The following STK32B variants were observed in gnomAD, a reference collection of about 807,000 sequenced individuals.
STK32B encodes serine/threonine kinase 32B.
In STK32B, 43 loss-of-function variants were observed where a neutral mutation model predicts 52.6. The observed-to-expected ratio is 0.82, with a 90% CI of 0.64 to 1.05. The LOEUF (loss-of-function observed/expected upper bound fraction) is 1.05, where lower values mean the gene tolerates loss of function less well. Ranked by LOEUF, STK32B falls within the 50% of genes least tolerant of loss-of-function variation. STK32B has a pLI of 0.00. For missense variants in STK32B, 621 were observed against 534.6 expected (o/e 1.16, Z -1.59); for synonymous variants, 238 against 204.3 (o/e 1.17, Z -1.41).
chr4:5,078,413 A>G (rs948144893), intron 1 of STK32B, among the ~76,000 whole-genome samples: 2 of 152,160 alleles, frequency 1.3e-5, no homozygotes, highest in African/African-American at 4.8e-5. Flanking sequence ...AACAAAACAA[A>G]CTGACATGAT....
intron 5 of STK32B, among the ~76,000 whole-genome samples, chr4:5,402,036 C>T (rs1737325435): frequency 6.6e-6 from 1 of 152,238 alleles, no homozygotes. Context: ...GCTCCTTGAG[C>T]TTATCCCCTG....
intron 4 of STK32B, among the ~76,000 whole-genome samples, chr4:5,334,543 G>A (rs374204497): frequency 8.2e-5 from 11 of 134,934 alleles, no homozygotes; most frequent in Admixed American, 3.9e-4. Context: ...GAGGGCATCC[G>A]TGTCTTGTGC....
Position 5,456,939 on chromosome 4 carries a change from C to G in STK32B, c.783+16C>G, listed in dbSNP as rs1716583729. On this transcript the variant is annotated intron_variant, in intron 8 of 11. Transcript: ENST00000282908. ...GCTGAGGAAGGTAAGGGGGCAGCTTCCAGCCTGCCCCGCCAGGGAGCTACG... is the reference window on the plus strand; with the variant it reads ...GCTGAGGAAGGTAAGGGGGCAGCTTGCAGCCTGCCCCGCCAGGGAGCTACG... The G allele has an allele frequency of 2.7e-5, 40 of 1,495,678 alleles. No homozygotes were observed. The highest frequency in any genetic ancestry group is 3.5e-5 in the Non-Finnish European group (39 of 1,113,364). 92.7% of individuals were successfully genotyped at this position (1,495,678 alleles called of 1,614,324 possible).
At chr4:5,222,248 TGG>T (rs1465478161) in intron 3 of STK32B, among the ~76,000 whole-genome samples, 1 of 151,686 alleles carries the variant, frequency 6.6e-6, no homozygotes, top group Non-Finnish European at 1.5e-5. Flanking sequence ...GTACCAAGAG[TGG>T]GGTGTTACTA....
chr4:5,250,521 C>T (rs1252472727), intron 3 of STK32B, among the ~76,000 whole-genome samples: 1 of 151,994 alleles, frequency 6.6e-6, no homozygotes, highest in East Asian at 1.9e-4. Flanking sequence ...CCATATTGGC[C>T]AGGCTGGTTT....
chr4:5,101,336 T>A (rs1016957794), intron 1 of STK32B, among the ~76,000 whole-genome samples: 3 of 152,096 alleles, frequency 2.0e-5, no homozygotes, highest in African/African-American at 7.2e-5. Context: ...GGGATGGATG[T>A]ACTCTAGTTG....
chr4:5,406,469 C>T (rs1260744214), intron 5 of STK32B, among the ~76,000 whole-genome samples: 1 of 152,154 alleles, frequency 6.6e-6, no homozygotes, highest in Non-Finnish European at 1.5e-5. Context: ...ATTTCCCCTT[C>T]ACCCTTCCCT....
intron 1 of STK32B, among the ~76,000 whole-genome samples, chr4:5,069,589 T>A (rs992987305): frequency 6.6e-6 from 1 of 152,182 alleles, no homozygotes; most frequent in African/African-American, 2.4e-5. Flanking sequence ...AGCTGAGTGA[T>A]CTGAATAAGT....
intron 4 of STK32B, 55 bp downstream of exon 4, chr4:5,331,448 C>G: frequency 6.4e-7 from 1 of 1,554,452 alleles, no homozygotes; most frequent in Non-Finnish European, 8.7e-7. Context: ...GCTAGGGTGT[C>G]AGGAGCAGTC....
intron 4 of STK32B, among the ~76,000 whole-genome samples, chr4:5,348,452 A>G (rs1422110716): frequency 6.6e-6 from 1 of 152,148 alleles, no homozygotes; most frequent in African/African-American, 2.4e-5. Flanking sequence ...TTCCCCACCC[A>G]TAGCCGTTGC....
chr4:5,357,013 A>G (rs868654095), intron 4 of STK32B, among the ~76,000 whole-genome samples: 2,813 of 147,250 alleles, frequency 0.019, 88 homozygotes, highest in African/African-American at 0.058. Flanking sequence ...ATGTGTATAT[A>G]TATATATATA....
chr4:5,237,210 G>C (rs1049140521), intron 3 of STK32B, among the ~76,000 whole-genome samples: 2 of 152,308 alleles, frequency 1.3e-5, no homozygotes, highest in African/African-American at 4.8e-5. Flanking sequence ...CCATCCCTGA[G>C]CCACTCCCTG....
chr4:5,230,178 C>CTTTTTTTTTTTTTTTTTTTTTTT (rs752036100), intron 3 of STK32B, among the ~76,000 whole-genome samples: 6 of 71,122 alleles, frequency 8.4e-5, no homozygotes, highest in Admixed American at 1.9e-4. Context: ...CATGCATTCC[C>CTTTTTTTTTTTTTTTTTTTTTTT]TTTTTTTTTT....
intron 1 of STK32B, among the ~76,000 whole-genome samples, chr4:5,115,597 G>A (rs1676809672): frequency 6.6e-6 from 1 of 151,126 alleles, no homozygotes; most frequent in African/African-American, 2.4e-5. Flanking sequence ...AGTGTAACCT[G>A]GGCAGTTATC....
chr4:5,322,664 G>A (rs1008459952), intron 3 of STK32B, among the ~76,000 whole-genome samples: 1 of 152,160 alleles, frequency 6.6e-6, no homozygotes, highest in Non-Finnish European at 1.5e-5. Context: ...AAGGTCTAGG[G>A]TTTCCTCCAG....
At chr4:5,338,417 G>A (rs1732848960) in intron 4 of STK32B, among the ~76,000 whole-genome samples, 1 of 152,202 alleles carries the variant, frequency 6.6e-6, no homozygotes, top group South Asian at 2.1e-4. Flanking sequence ...TCACACCAGG[G>A]TAGAGTATGC....
intron 3 of STK32B, among the ~76,000 whole-genome samples, chr4:5,268,715 C>T (rs773366217): frequency 1.3e-5 from 2 of 152,124 alleles, no homozygotes; most frequent in Non-Finnish European, 2.9e-5. Flanking sequence ...TGCACCTGCA[C>T]ATGCCACGGT....
At chr4:5,050,296 A>G (rs754245360), upstream of STK32B, among the ~76,000 whole-genome samples, 1 of 152,200 alleles carries the variant, frequency 6.6e-6, no homozygotes, top group Non-Finnish European at 1.5e-5. Flanking sequence ...CCCACTTTGC[A>G]GATAAGAACT....
chr4:5,463,017 C>T lies in STK32B; in HGVS notation c.909+2789C>T, dbSNP rs139560762. Among the ~76,000 whole-genome samples, 27 of 152,312 alleles carry T rather than the reference C, an allele frequency of 1.8e-4. No individual in the cohort carries two copies. In the South Asian group the frequency reaches 3.3e-3, roughly 19 times the overall value. ...CTTCTGCCGTCTCTGTGACCTCAGG[C>T]GGCTGCACCCTAGTTCTTCACAGAT... On this transcript the variant is annotated intron_variant, in intron 9 of 11. Transcript: ENST00000282908.
Sources: gnomAD v4.1 joint callset for allele counts (sites outside exome capture counted in the v4.1 genomes callset) on GRCh38, gnomAD v4.1.1 for gene constraint, MANE v1.5 for transcripts, NCBI Gene and HGNC (gene_info 2026-07-23, HGNC 2026-07-21) for gene names.